PTPRT: variants seen among roughly 807,000 people sequenced by gnomAD.
The protein encoded by PTPRT is receptor-type tyrosine-protein phosphatase T.
A neutral mutation model predicts 176.8 loss-of-function variants in PTPRT; 56 were observed. The observed-to-expected ratio is 0.32, with a 90% CI of 0.26 to 0.40. The LOEUF is 0.40. Ranked by LOEUF, PTPRT falls within the 10% of genes least tolerant of loss-of-function variation. PTPRT has a pLI of 1.00. For missense variants in PTPRT, 1,540 were observed against 1,908.2 expected, an observed-to-expected ratio of 0.81 and a Z score of 3.60; for synonymous variants, 783 against 739.0, an observed-to-expected ratio of 1.06 and a Z score of -0.96.
intron 6 of PTPRT, among the ~76,000 whole-genome samples, chr20:42,678,559 C>T (rs930385486): frequency 7.2e-5 from 11 of 152,204 alleles, no homozygotes; most frequent in Non-Finnish European, 1.3e-4. Flanking sequence ...TGGCCTCAGC[C>T]TCCCAAAGTG....
intron 1 of PTPRT, among the ~76,000 whole-genome samples, chr20:42,905,986 C>T (rs1453559749): frequency 6.6e-6 from 1 of 152,020 alleles, no homozygotes; most frequent in East Asian, 1.9e-4. Context: ...TTGATGGGTG[C>T]AGCAAACCAA....
At chr20:42,740,438 C>G (rs2076591507) in intron 6 of PTPRT, among the ~76,000 whole-genome samples, 1 of 152,178 alleles carries the variant, frequency 6.6e-6, no homozygotes, top group Non-Finnish European at 1.5e-5. Flanking sequence ...CTCCTCATCT[C>G]CATCCTCCTG....
chr20:42,242,341 A>G (rs1002504760), intron 14 of PTPRT, among the ~76,000 whole-genome samples: 2 of 152,204 alleles, frequency 1.3e-5, no homozygotes, highest in Non-Finnish European at 2.9e-5. Flanking sequence ...CTCCCATTCA[A>G]CATGTTTTTA....
intron 22 of PTPRT, among the ~76,000 whole-genome samples, chr20:42,113,615 C>CTT (rs1016275304): frequency 1.3e-5 from 2 of 152,194 alleles, no homozygotes; most frequent in Admixed American, 1.3e-4. Flanking sequence ...ATAGTTTATC[C>CTT]TTGGAGGTTC....
chr20:42,042,704 G>A, the PTPRT span, among the ~76,000 whole-genome samples: 1 of 152,206 alleles, frequency 6.6e-6, no homozygotes, highest in Non-Finnish European at 1.5e-5. Flanking sequence ...GCCCTTTTGG[G>A]TCACTGTTTC....
At chr20:43,055,315 G>A (rs1227428813) in intron 1 of PTPRT, among the ~76,000 whole-genome samples, 1 of 152,166 alleles carries the variant, frequency 6.6e-6, no homozygotes, top group Non-Finnish European at 1.5e-5. Flanking sequence ...AAGCCTGATT[G>A]GAAGCACATA....
chr20:42,788,305 G>A (rs1245220156), intron 3 of PTPRT, among the ~76,000 whole-genome samples: 2 of 152,062 alleles, frequency 1.3e-5, no homozygotes, highest in Admixed American at 6.5e-5. Context: ...CACGCAGGAT[G>A]CAAAATGACT....
intron 9 of PTPRT, among the ~76,000 whole-genome samples, chr20:42,376,758 C>T (rs750575197): frequency 1.3e-5 from 2 of 152,046 alleles, no homozygotes; most frequent in African/African-American, 4.8e-5. Flanking sequence ...GGAAAGATCC[C>T]CAGCCACAAA....
intron 2 of PTPRT, among the ~76,000 whole-genome samples, chr20:42,866,125 G>A (rs969403543): frequency 5.3e-5 from 8 of 152,230 alleles, no homozygotes; most frequent in East Asian, 3.9e-4. Flanking sequence ...AAATACCCTC[G>A]GTGATTCTGA....
chr20:42,961,410 T>C (rs1981976980), intron 1 of PTPRT, among the ~76,000 whole-genome samples: 1 of 152,206 alleles, frequency 6.6e-6, no homozygotes, highest in Non-Finnish European at 1.5e-5. Flanking sequence ...TTATGCACAA[T>C]TGCGTGCTGG....
At chr20:42,090,544 A>G (rs1984506825) in intron 27 of PTPRT, among the ~76,000 whole-genome samples, 1 of 152,182 alleles carries the variant, frequency 6.6e-6, no homozygotes, top group Admixed American at 6.5e-5. Flanking sequence ...TCATAATAGC[A>G]TGTAAAATGC....
At position 42,079,396 on chromosome 20, in the gene PTPRT, C is replaced by G. The variant is rs1983094673; in HGVS notation, c.*1483G>C. ...CACGGAGAAGTCTCATTGCCATTAC[C>G]TGCCCCTTTGGAACCCAGGATTTCA... On this transcript the variant is annotated 3_prime_UTR_variant, in exon 31 of 31. Coordinates refer to ENST00000373187, the MANE Select transcript of PTPRT (RefSeq NM_007050.6). The G allele has an allele frequency of 4.7e-6, 1 of 214,584 alleles. No individual in the cohort carries two copies. Among genetic ancestry groups the G allele is most frequent in the Non-Finnish European group, 9.4e-6 (1 of 106,256 alleles). The allele number at this position is 214,584 out of a possible 1,614,324, so 13.3% of individuals were successfully genotyped here.
intron 2 of PTPRT, among the ~76,000 whole-genome samples, chr20:42,872,882 G>C (rs2078869219): frequency 6.6e-6 from 1 of 152,136 alleles, no homozygotes; most frequent in African/African-American, 2.4e-5. Context: ...ACAGATCTGG[G>C]ATGAGTTCCC....
intron 2 of PTPRT, among the ~76,000 whole-genome samples, chr20:42,813,503 G>A (rs1296103572): frequency 6.8e-6 from 1 of 147,644 alleles, no homozygotes; most frequent in African/African-American, 2.5e-5. Flanking sequence ...AGTATTTGTG[G>A]TATGCTTTAA....
chr20:42,842,407 T>C (rs1423268212), intron 2 of PTPRT, among the ~76,000 whole-genome samples: 4 of 152,096 alleles, frequency 2.6e-5, no homozygotes, highest in African/African-American at 9.7e-5. Flanking sequence ...TGCCTTAGAC[T>C]GTTTATTTAT....
intron 9 of PTPRT, among the ~76,000 whole-genome samples, chr20:42,357,952 T>C (rs2145552604): frequency 6.6e-6 from 1 of 152,034 alleles, no homozygotes; most frequent in Middle Eastern, 3.4e-3. Flanking sequence ...ACAAAAAAGT[T>C]TGAAGGTCAT....
intron 1 of PTPRT, among the ~76,000 whole-genome samples, chr20:43,031,521 G>A (rs997310575): frequency 1.3e-5 from 2 of 152,158 alleles, no homozygotes; most frequent in South Asian, 2.1e-4. Context: ...AAGGTATTTC[G>A]TTATAGAATG....
intron 1 of PTPRT, among the ~76,000 whole-genome samples, chr20:42,997,639 T>C (rs1445013185): frequency 6.6e-6 from 1 of 152,190 alleles, no homozygotes; most frequent in Non-Finnish European, 1.5e-5. Context: ...ACTAAGTTTC[T>C]AGGTGGTTTG....
At chr20:43,042,358 A>G (rs1986642638) in intron 1 of PTPRT, among the ~76,000 whole-genome samples, 2 of 135,914 alleles carry the variant, frequency 1.5e-5, no homozygotes, top group Non-Finnish European at 3.0e-5. Context: ...TTTACTAACC[A>G]GGCAGCACAC....
Sources: gnomAD v4.1 joint callset for allele counts (sites outside exome capture counted in the v4.1 genomes callset) on GRCh38, gnomAD v4.1.1 for gene constraint, MANE v1.5 for transcripts, NCBI Gene and HGNC (gene_info 2026-07-23, HGNC 2026-07-21) for gene names.